The following ASMTL variants were observed in gnomAD, a reference collection of about 807,000 sequenced individuals.
ASMTL encodes probable bifunctional dTTP/UTP pyrophosphatase/methyltransferase protein.
A neutral mutation model predicts 60.3 loss-of-function variants in ASMTL; 57 were observed. The observed-to-expected ratio is 0.95, with a 90% CI of 0.76 to 1.18. The LOEUF (loss-of-function observed/expected upper bound fraction) is 1.18. Among genes scored for constraint, ASMTL ranks in the 50% most tolerant of loss-of-function variants. The probability of loss-of-function intolerance (pLI) is 0.00; values close to 1 mark genes in which losing one functional copy is unlikely to be tolerated. For missense variants in ASMTL, 981 were observed against 852.6 expected, an observed-to-expected ratio of 1.15 and a Z score of -1.88; for synonymous variants, 419 against 373.0, an observed-to-expected ratio of 1.12 and a Z score of -1.42.
chrX:1,424,099 C>T (rs2149307017), intron 8 of ASMTL, among the ~76,000 whole-genome samples: 1 of 151,258 alleles, frequency 6.6e-6, no homozygotes, highest in Non-Finnish European at 1.5e-5. Context: ...TCCATCCACC[C>T]ATGCATGCAT....
At chrX:1,437,210 C>T (rs2090988791) in intron 3 of ASMTL, among the ~76,000 whole-genome samples, 1 of 152,128 alleles carries the variant, frequency 6.6e-6, no homozygotes, top group African/African-American at 2.4e-5. Context: ...GCTGGTTCCT[C>T]CTGAGGCCTC....
chrX:1,418,966 CGGG>C lies in ASMTL; in HGVS notation c.1378+13_1378+15del. On this transcript the variant is annotated intron_variant, in intron 10 of 12. Coordinates refer to ENST00000381317, the MANE Select transcript of ASMTL (RefSeq NM_004192.4). ...TAAACGAAAGTAAGGAGAGCCCTGG[CGGG>C]GGGGCCACCCACCTCCCACGTCGCA... The C allele has an allele frequency of 6.2e-7, 1 of 1,611,184 alleles. No individual in the cohort carries two copies. The highest frequency in any genetic ancestry group is 8.5e-7 in the Non-Finnish European group (1 of 1,179,580).
chrX:1,428,322 CAAAA>C (rs61684472), intron 6 of ASMTL: 221 of 136,830 alleles, frequency 1.6e-3, no homozygotes, highest in Non-Finnish European at 2.8e-3. Flanking sequence ...TTTGGCATCT[CAAAA>C]AAAAAAAAAA....
intron 12 of ASMTL, among the ~76,000 whole-genome samples, chrX:1,407,234 A>G (rs1179960041): frequency 4.7e-5 from 7 of 148,920 alleles, no homozygotes; most frequent in African/African-American, 1.7e-4. Context: ...GATGATGGGT[A>G]GGTAGGTAGA....
At chrX:1,434,026 C>T (rs1233788937) in intron 5 of ASMTL, among the ~76,000 whole-genome samples, 1 of 152,106 alleles carries the variant, frequency 6.6e-6, no homozygotes, top group African/African-American at 2.4e-5. Flanking sequence ...CGTGGAGGTC[C>T]CATGGGACCC....
chrX:1,411,695 G>T lies in ASMTL; in HGVS notation c.1645+1037C>A, dbSNP rs748446175. The stretch of plus-strand genomic sequence containing the variant: ...CCTGAGACAGCAACACCAGCCCACG[G>T]CTTCCTCCTCTGCAGCCTCCTCAGT... On this transcript the variant is annotated intron_variant, in intron 12 of 12. Coordinates refer to ENST00000381317, the MANE Select transcript of ASMTL (RefSeq NM_004192.4). Among the ~76,000 whole-genome samples, 6 of 148,060 alleles carry T rather than the reference G, an allele frequency of 4.1e-5. No homozygotes were observed. In the South Asian group the frequency reaches 1.3e-3, roughly 32 times the overall value.
chrX:1,426,128 G>A (rs1258684715), intron 7 of ASMTL, among the ~76,000 whole-genome samples: 2 of 152,028 alleles, frequency 1.3e-5, no homozygotes, highest in African/African-American at 4.8e-5. Context: ...ACACACACAG[G>A]GACGACCCTG....
chrX:1,427,904 C>G lies in ASMTL; in HGVS notation c.727G>C (p.Gly243Arg), dbSNP rs757537747. The G allele has an allele frequency of 3.3e-5, 54 of 1,613,216 alleles. No individual in the cohort carries two copies. Among genetic ancestry groups the G allele is most frequent in the Middle Eastern group, 1.7e-4 (1 of 6,048 alleles). ...DTFEDLSDVE[G>R]GGSEPTQRDA... ...CTCTGAGTGGGCTCCGAGCCGCCCC[C>G]CTCCACGTCACTGAGGTCTTCGAAG... Residue 243 changes from glycine to arginine, a missense_variant, in exon 7 of 13, where the codon GGG becomes CGG. Gly to Arg is a moderately radical substitution (Grantham distance 125). Transcript: ENST00000381317.
chrX:1,424,847 T>TCTCC (rs2090571668), intron 8 of ASMTL, among the ~76,000 whole-genome samples: 1 of 63,688 alleles, frequency 1.6e-5, no homozygotes, highest in Non-Finnish European at 3.5e-5. Flanking sequence ...TCCATCCATC[T>TCTCC]ATCCATCCAC....
At chrX:1,413,000 C>G (rs1207243257) in intron 11 of ASMTL, 146 bp from the exon 12 acceptor site, 3 of 853,634 alleles carry the variant, frequency 3.5e-6, no homozygotes, top group African/African-American at 3.3e-5. Context: ...TGAAGTACAT[C>G]CCCGTGGGGA....
chrX:1,431,698 C>G (rs1419975931), intron 6 of ASMTL, among the ~76,000 whole-genome samples: 1 of 147,016 alleles, frequency 6.8e-6, no homozygotes, highest in Non-Finnish European at 1.5e-5. Flanking sequence ...ATGTGGAATA[C>G]ATAAATTATA....
intron 11 of ASMTL, 35 bp from the exon 12 acceptor site, chrX:1,412,889 G>C: frequency 6.2e-7 from 1 of 1,613,058 alleles, no homozygotes; most frequent in Non-Finnish European, 8.5e-7. Context: ...CGTCCGTCAG[G>C]TATGGAAGAA....
At chrX:1,422,899 T>C (rs145243496) in intron 8 of ASMTL, among the ~76,000 whole-genome samples, 2,949 of 152,250 alleles carry the variant, frequency 0.019, 95 homozygotes, top group African/African-American at 0.068. Flanking sequence ...CAAGCTTGCA[T>C]GGTGCCGGTG....
intron 12 of ASMTL, among the ~76,000 whole-genome samples, chrX:1,408,235 G>C (rs1263206081): frequency 1.5e-4 from 9 of 59,096 alleles, no homozygotes; most frequent in Non-Finnish European, 3.2e-4. Context: ...GAGTGCAGGA[G>C]GTCAAGGCTG....
intron 6 of ASMTL, among the ~76,000 whole-genome samples, chrX:1,431,177 TTATAATTATA>T (rs2090770198): frequency 8.0e-6 from 1 of 125,246 alleles, no homozygotes; most frequent in Non-Finnish European, 1.6e-5. Flanking sequence ...ATATAATTGT[TTATAATTATA>T]TATAATTATA....
At chrX:1,431,226 A>G (rs1285656420) in intron 6 of ASMTL, among the ~76,000 whole-genome samples, 1 of 126,102 alleles carries the variant, frequency 7.9e-6, no homozygotes, top group Non-Finnish European at 1.6e-5. Flanking sequence ...ATATATAATT[A>G]TAAATTATAT....
At chrX:1,438,598 C>T (rs1288534231) in intron 3 of ASMTL, among the ~76,000 whole-genome samples, 2 of 152,162 alleles carry the variant, frequency 1.3e-5, no homozygotes, top group African/African-American at 4.8e-5. Flanking sequence ...ACTGCAACCC[C>T]GCCTCCTGGG....
Position 1,426,275 on chromosome X carries a change from C to G in ASMTL, c.898-588G>C, listed in dbSNP as rs780810854. Among the ~76,000 whole-genome samples, 8 of 152,230 alleles carry G rather than the reference C, an allele frequency of 5.3e-5. No individual in the cohort carries two copies. In the South Asian group the frequency reaches 8.3e-4, roughly 16 times the overall value. ...ATCAATGTCTGTTGTTTATAAACCA[C>G]CTGGTGGTGATTTAATAATCACCAC... On this transcript the variant is annotated intron_variant, in intron 7 of 12. Coordinates refer to ENST00000381317, the MANE Select transcript of ASMTL (RefSeq NM_004192.4).
Position 1,419,111 on chromosome X carries a change from C to G in ASMTL, c.1249G>C (p.Ala417Pro), listed in dbSNP as rs1195512228. Reference sequence around the variant, plus strand: ...CGCGTCTCCGGGCTCTGGTAGTACGCATCCTGGAACACAGCAGGTGCTTAG... The same window carrying G: ...CGCGTCTCCGGGCTCTGGTAGTACGGATCCTGGAACACAGCAGGTGCTTAG... ...GKKAEDLFQD[A>P]YYQSPETRLR... Residue 417 changes from alanine (A) to proline (P), a missense_variant, in exon 10 of 13, where the codon GCG (alanine) becomes CCG (proline). Physicochemically the swap from Ala to Pro is conservative, Grantham distance 27. Coordinates refer to ENST00000381317, the MANE Select transcript of ASMTL (RefSeq NM_004192.4). 1 of 1,611,106 alleles carries G rather than the reference C, an allele frequency of 6.2e-7. No homozygotes were observed. The highest frequency in any genetic ancestry group is 1.1e-5 in the South Asian group (1 of 90,774).
Sources: gnomAD v4.1 joint callset for allele counts (sites outside exome capture counted in the v4.1 genomes callset) on GRCh38, gnomAD v4.1.1 for gene constraint, MANE v1.5 for transcripts, NCBI Gene and HGNC (gene_info 2026-07-23, HGNC 2026-07-21) for gene names.